Variants in STYXL1 observed in about 807,000 individuals in gnomAD.
The protein encoded by STYXL1 is serine/threonine/tyrosine interacting like 1.
STYXL1 carries 32 observed loss-of-function variants against 36.4 expected under a neutral mutation model. That is an observed-to-expected ratio of 0.88 (90% CI 0.66 to 1.18). The LOEUF (loss-of-function observed/expected upper bound fraction) is 1.18. Ranked by LOEUF, STYXL1 falls within the 50% of genes most tolerant of loss-of-function variation. The pLI, the probability that STYXL1 is intolerant of heterozygous loss-of-function variation, is 0.00. For synonymous variants in STYXL1, 133 were observed against 144.1 expected (o/e 0.92, Z 0.55); for missense variants, 354 against 394.1 (o/e 0.90, Z 0.86).
chr7:76,020,996 G>A (rs879995630), intron 4 of STYXL1, among the ~76,000 whole-genome samples: 3 of 152,108 alleles, frequency 2.0e-5, no homozygotes, highest in Non-Finnish European at 4.4e-5. Flanking sequence ...TCATCACTAA[G>A]TCACCTTGCT....
chr7:76,034,615 G>A (rs950920238), intron 1 of STYXL1, among the ~76,000 whole-genome samples: 2 of 152,166 alleles, frequency 1.3e-5, no homozygotes, highest in African/African-American at 4.8e-5. Context: ...CTAGGGTAGG[G>A]GGTTTCTCAA....
Position 76,006,504 on chromosome 7 carries a change from C to T in STYXL1, c.454-1100G>A, listed in dbSNP as rs531654686. Among the ~76,000 whole-genome samples, 6 of 152,230 alleles carry T rather than the reference C, an allele frequency of 3.9e-5. No homozygotes were observed. The East Asian group carries it at 1.2e-3, about 29-fold the overall frequency. ...GTTTGCCGGGCGCAGTGGCTCAAGCCTGTAATCCCAGCACTTTGGGAGGCT... is the reference window on the plus strand; with the variant it reads ...GTTTGCCGGGCGCAGTGGCTCAAGCTTGTAATCCCAGCACTTTGGGAGGCT... On this transcript the variant is annotated intron_variant, in intron 5 of 8. Transcript: ENST00000359697.
intron 4 of STYXL1, among the ~76,000 whole-genome samples, chr7:76,015,777 T>C (rs971811231): frequency 1.3e-5 from 2 of 152,150 alleles, no homozygotes; most frequent in Admixed American, 6.5e-5. Flanking sequence ...CAAAGGAGAT[T>C]AACATTTGAG....
At chr7:76,028,126 C>A (rs1563507329) in intron 3 of STYXL1, among the ~76,000 whole-genome samples, 3 of 152,128 alleles carry the variant, frequency 2.0e-5, no homozygotes, top group Admixed American at 1.3e-4. Context: ...ACTCCGCCTC[C>A]CAGGTCCAAG....
chr7:76,047,889 C>G lies in STYXL1; in HGVS notation c.-232G>C. ...ACCTCTTGGGTGCAGACTGGCCCTC[C>G]CACTCCGACCGCAGGTCCCCCACCG... On this transcript the variant is annotated 5_prime_UTR_variant, in exon 1 of 9. Coordinates refer to ENST00000359697, the MANE Select transcript of STYXL1 (RefSeq NM_001317785.2). The G allele has an allele frequency of 7.1e-7, 1 of 1,401,652 alleles. No homozygotes were observed. The highest frequency in any genetic ancestry group is 9.3e-7 in the Non-Finnish European group (1 of 1,076,128). 86.8% of individuals were successfully genotyped at this position (1,401,652 alleles called of 1,614,324 possible).
chr7:76,030,654 T>C, intron 1 of STYXL1, 127 bp from the exon 2 acceptor site: 1 of 633,440 alleles, frequency 1.6e-6, no homozygotes, highest in Non-Finnish European at 2.9e-6. Flanking sequence ...ATCATGTAAA[T>C]GATCAGGAAT....
chr7:76,028,801 A>C, intron 2 of STYXL1, 98 bp from the exon 3 acceptor site: 1 of 1,083,874 alleles, frequency 9.2e-7, no homozygotes, highest in Non-Finnish European at 1.4e-6. Context: ...TTTGTTTGGC[A>C]GTTAAGGGAT....
At chr7:76,023,366 A>G (rs775957208) in intron 3 of STYXL1, among the ~76,000 whole-genome samples, 3 of 151,712 alleles carry the variant, frequency 2.0e-5, no homozygotes, top group East Asian at 1.9e-4. Flanking sequence ...AGCGTTCTGG[A>G]TATTATTTTA....
chr7:76,005,830 G>T (rs903970896), intron 5 of STYXL1, among the ~76,000 whole-genome samples: 1 of 142,050 alleles, frequency 7.0e-6, no homozygotes, highest in African/African-American at 2.8e-5. Flanking sequence ...GGAGGAGGAA[G>T]AGAGAGGAGG....
intron 7 of STYXL1, 40 bp from the exon 8 acceptor site, chr7:76,001,042 C>T (rs1790860504): frequency 1.3e-6 from 2 of 1,533,104 alleles, no homozygotes; most frequent in African/African-American, 1.4e-5. Flanking sequence ...GCCTGGCCCT[C>T]CTCCCTGTGG....
chr7:76,009,104 G>T (rs1464185049), intron 5 of STYXL1, among the ~76,000 whole-genome samples: 5 of 152,172 alleles, frequency 3.3e-5, no homozygotes, highest in African/African-American at 1.2e-4. Context: ...CTTTTCTGCG[G>T]TTGTGTGGGT....
Position 76,029,992 on chromosome 7 carries a change from CTTT to C in STYXL1, c.103+426_103+428del, listed in dbSNP as rs1180469689. Among the ~76,000 whole-genome samples the C allele has an allele frequency of 2.3e-3, 353 of 151,800 alleles. 5 individuals carry two copies. The highest frequency in any genetic ancestry group is 3.4e-3 in the Middle Eastern group (1 of 294). On this transcript the variant is annotated intron_variant, in intron 2 of 8. Coordinates refer to ENST00000359697, the MANE Select transcript of STYXL1 (RefSeq NM_001317785.2). ...ACTGGGGGTTGGGGGTTGCGGACTT[CTTT>C]TTTATTTTTTTTTTTCTTTTTTGAG...
chr7:76,002,092 G>A (rs1228245287), intron 7 of STYXL1, among the ~76,000 whole-genome samples: 1 of 152,118 alleles, frequency 6.6e-6, no homozygotes, highest in Admixed American at 6.6e-5. Flanking sequence ...ACAGGCATGT[G>A]CCACCATATC....
At chr7:76,006,268 G>A (rs544821909) in intron 5 of STYXL1, among the ~76,000 whole-genome samples, 1 of 151,922 alleles carries the variant, frequency 6.6e-6, no homozygotes, top group Non-Finnish European at 1.5e-5. Context: ...TGTAGAGATG[G>A]GGTCTCACTA....
chr7:76,030,342 CA>C (rs1380271730), intron 2 of STYXL1, 78 bp downstream of exon 2: 2 of 1,162,168 alleles, frequency 1.7e-6, no homozygotes, highest in African/African-American at 1.5e-5. Flanking sequence ...CCCACCCCGC[CA>C]AAAGTTTGTT....
chr7:76,012,263 C>CA (rs1195638459), intron 5 of STYXL1, among the ~76,000 whole-genome samples: 1 of 151,822 alleles, frequency 6.6e-6, no homozygotes, highest in Non-Finnish European at 1.5e-5. Flanking sequence ...TGAGTCGCCA[C>CA]ACCTGGCTGA....
At chr7:76,010,349 G>A (rs1285506058) in intron 5 of STYXL1, among the ~76,000 whole-genome samples, 1 of 152,144 alleles carries the variant, frequency 6.6e-6, no homozygotes, top group Non-Finnish European at 1.5e-5. Flanking sequence ...TTGGGAGCCA[G>A]GCATGCATAC....
At chr7:76,002,986 A>AGT (rs1362544853) in intron 7 of STYXL1, among the ~76,000 whole-genome samples, 1 of 152,208 alleles carries the variant, frequency 6.6e-6, no homozygotes, top group African/African-American at 2.4e-5. Context: ...CCCCTGGTAC[A>AGT]GTGGCTCAGG....
In STYXL1 at chr7:76,047,984, T is replaced by G; in HGVS notation, c.-327A>C. The G allele has an allele frequency of 6.7e-7, 1 of 1,485,414 alleles. No homozygotes were observed. The highest frequency in any genetic ancestry group is 8.9e-7 in the Non-Finnish European group (1 of 1,118,484). 92.0% of individuals were successfully genotyped at this position (1,485,414 alleles called of 1,614,324 possible). On this transcript the variant is annotated 5_prime_UTR_variant, in exon 1 of 9. Transcript: ENST00000359697. ...GCCAGGATGGTCCCACAGCTTTCCT[T>G]TCCGACTCCCGGAAGTGGCCGTGAT...
Sources: gnomAD v4.1 joint callset for allele counts (sites outside exome capture counted in the v4.1 genomes callset) on GRCh38, gnomAD v4.1.1 for gene constraint, MANE v1.5 for transcripts, NCBI Gene and HGNC (gene_info 2026-07-23, HGNC 2026-07-21) for gene names.